Variants in RAI2 observed in about 807,000 individuals in gnomAD.
RAI2 encodes the protein retinoic acid-induced protein 2.
In RAI2, 5 loss-of-function variants were observed where a neutral mutation model predicts 15.3. The ratio of observed to expected loss-of-function variants is 0.33; its 90% confidence interval spans 0.17 to 0.69. RAI2 has a LOEUF of 0.69. RAI2 is among the 30% of genes least tolerant of loss of function. The pLI, the probability that RAI2 is intolerant of heterozygous loss-of-function variation, is 0.69. For missense variants in RAI2, 424 were observed against 424.7 expected (o/e 1.00, Z 0.01); for synonymous variants, 191 against 184.0 (o/e 1.04, Z -0.31).
chrX:17,860,840 T>C (rs1189001443), intron 1 of RAI2: 2 of 104,416 alleles, frequency 1.9e-5, no homozygotes, highest in Non-Finnish European at 4.0e-5. Context: ...CGCCGGCCAG[T>C]GCGCGGCGCC....
At chrX:17,826,495 ATATT>A (rs2067228428) in intron 1 of RAI2, among the ~76,000 whole-genome samples, 1 of 111,401 alleles carries the variant, frequency 9.0e-6, no homozygotes, top group Non-Finnish European at 1.9e-5. Flanking sequence ...TGCTCAATGA[ATATT>A]TATTTGGAGG....
At chrX:17,829,619 C>T (rs780284437) in intron 1 of RAI2, among the ~76,000 whole-genome samples, 19 of 112,577 alleles carry the variant, frequency 1.7e-4, no homozygotes, top group Non-Finnish European at 2.8e-4. Flanking sequence ...CAAGATGTTT[C>T]GCAAGCATTG....
chrX:17,813,057 A>G (rs2067066650), intron 1 of RAI2, among the ~76,000 whole-genome samples: 1 of 109,036 alleles, frequency 9.2e-6, no homozygotes, highest in Admixed American at 9.7e-5. Flanking sequence ...TAAAAAAAAT[A>G]AAATATAGCA....
chrX:17,814,717 C>T (rs951738587), intron 1 of RAI2, among the ~76,000 whole-genome samples: 2 of 110,175 alleles, frequency 1.8e-5, no homozygotes, highest in Admixed American at 9.7e-5. Context: ...AAAAGCAAAA[C>T]GTTCAAGAGA....
At chrX:17,823,008 C>T (rs1432931102) in intron 1 of RAI2, among the ~76,000 whole-genome samples, 1 of 112,423 alleles carries the variant, frequency 8.9e-6, no homozygotes, top group Non-Finnish European at 1.9e-5. Flanking sequence ...AAATACAATG[C>T]AAAGGCATAA....
chrX:17,833,407 A>C (rs1236871895), intron 1 of RAI2, among the ~76,000 whole-genome samples: 2 of 111,536 alleles, frequency 1.8e-5, no homozygotes, highest in African/African-American at 6.5e-5. Flanking sequence ...CTGTAATCCC[A>C]GCTACTCAGG....
chrX:17,813,935 A>C (rs2067077182), intron 1 of RAI2, among the ~76,000 whole-genome samples: 1 of 111,815 alleles, frequency 8.9e-6, no homozygotes, highest in Non-Finnish European at 1.9e-5. Flanking sequence ...AATCATTACT[A>C]ACGATGGTGA....
intron 1 of RAI2, among the ~76,000 whole-genome samples, chrX:17,818,744 T>C (rs1020515091): frequency 8.9e-6 from 1 of 112,475 alleles, no homozygotes; most frequent in Admixed American, 9.3e-5. Flanking sequence ...GTTCCATGCC[T>C]GGCAACTGGA....
At chrX:17,831,301 T>C (rs890641906) in intron 1 of RAI2, among the ~76,000 whole-genome samples, 4 of 112,114 alleles carry the variant, frequency 3.6e-5, no homozygotes, top group Non-Finnish European at 7.5e-5. Flanking sequence ...TCAACCTGCA[T>C]TGGGCGGGCC....
rs779820719 is a variant in RAI2 at position 17,801,821 on chromosome X, C to T, written c.190G>A (p.Glu64Lys). ...PAPSILNPPA[E>K]SQSGMALKVA... ...TTCAGAGCCATGCCACTCTGAGACTCGGCAGGGGGGTTCAGAATGGATGGG... is the reference window on the plus strand; with the variant it reads ...TTCAGAGCCATGCCACTCTGAGACTTGGCAGGGGGGTTCAGAATGGATGGG... Residue 64 changes from glutamate to lysine, a missense_variant, in exon 2 of 2, where the codon GAG becomes AAG. By Grantham distance (56) the Glu-to-Lys change is moderately conservative (BLOSUM62 1). Coordinates refer to ENST00000451717, the MANE Select transcript of RAI2 (RefSeq NM_021785.6). 2.7e-5 allele frequency: 33 copies of T among 1,209,414 alleles called. No individual in the cohort carries two copies. Among genetic ancestry groups the T allele is most frequent in the Admixed American group, 2.0e-4 (9 of 45,771 alleles).
At chrX:17,827,941 C>A (rs1197942178) in intron 1 of RAI2, among the ~76,000 whole-genome samples, 5 of 110,714 alleles carry the variant, frequency 4.5e-5, no homozygotes, top group Non-Finnish European at 5.7e-5. Context: ...TACTATAGTT[C>A]TAGGCCAGCA....
At chrX:17,851,795 G>GAAACA (rs772204435) in intron 1 of RAI2, among the ~76,000 whole-genome samples, 8 of 111,885 alleles carry the variant, frequency 7.2e-5, no homozygotes, top group Non-Finnish European at 1.5e-4. Context: ...AAGTGTCTCA[G>GAAACA]AAACAAAACA....
chrX:17,839,846 G>C (rs746866250), intron 1 of RAI2, among the ~76,000 whole-genome samples: 1 of 112,503 alleles, frequency 8.9e-6, no homozygotes, highest in Non-Finnish European at 1.9e-5. Flanking sequence ...AGGTTGGTCT[G>C]TTCTGACATG....
At chrX:17,812,394 C>T (rs1053854729) in intron 1 of RAI2, among the ~76,000 whole-genome samples, 3 of 112,341 alleles carry the variant, frequency 2.7e-5, no homozygotes, top group East Asian at 2.8e-4. Flanking sequence ...ACCCACCTAA[C>T]ACCCAACATA....
chrX:17,852,343 A>C (rs1246514639), intron 1 of RAI2, among the ~76,000 whole-genome samples: 3 of 111,759 alleles, frequency 2.7e-5, no homozygotes, highest in East Asian at 5.6e-4. Context: ...GCTAGTATGC[A>C]AGGGAATCCT....
intron 1 of RAI2, among the ~76,000 whole-genome samples, chrX:17,848,622 C>G (rs969321356): frequency 8.0e-5 from 9 of 111,919 alleles, no homozygotes; most frequent in Non-Finnish European, 1.5e-4. Flanking sequence ...CTCACACCCC[C>G]TCACCTCTAC....
chrX:17,851,155 C>T (rs751163850), intron 1 of RAI2, among the ~76,000 whole-genome samples: 15 of 112,200 alleles, frequency 1.3e-4, no homozygotes, highest in Non-Finnish European at 2.4e-4. Context: ...GTGGCTGTGT[C>T]GAACATGGAA....
At chrX:17,835,364 T>C (rs1488858690) in intron 1 of RAI2, among the ~76,000 whole-genome samples, 4 of 112,236 alleles carry the variant, frequency 3.6e-5, no homozygotes, top group African/African-American at 9.7e-5. Flanking sequence ...TGCTTCTAAA[T>C]TTGCCCCAGG....
chrX:17,810,823 G>A (rs1026378415), intron 1 of RAI2, among the ~76,000 whole-genome samples: 1 of 112,879 alleles, frequency 8.9e-6, no homozygotes, highest in Admixed American at 9.3e-5. Context: ...TAGATTTGTG[G>A]CCATTCATTT....
Sources: allele counts gnomAD v4.1 joint callset (sites outside exome capture counted in the v4.1 genomes callset), GRCh38; gene constraint gnomAD v4.1.1; transcripts MANE v1.5; gene names NCBI Gene and HGNC (gene_info 2026-07-23, HGNC 2026-07-21).